TECRL: variants seen among roughly 807,000 people sequenced by gnomAD.
The protein encoded by TECRL is trans-2,3-enoyl-CoA reductase-like.
Under a neutral mutation model 52.8 loss-of-function variants are expected in TECRL, and 63 were observed. The ratio of observed to expected loss-of-function variants is 1.19; its 90% CI spans 0.97 to 1.47. The LOEUF (loss-of-function observed/expected upper bound fraction) is 1.47, where lower values mean the gene tolerates loss of function less well. Ranked by LOEUF, TECRL falls within the 40% of genes most tolerant of loss-of-function variation. The pLI, the probability that TECRL is intolerant of heterozygous loss-of-function variation, is 0.00. For missense variants in TECRL, 482 were observed against 429.6 expected (o/e 1.12, Z -1.08); for synonymous variants, 164 against 141.9 (o/e 1.16, Z -1.10).
chr4:64,295,240 C>T (rs1723613208), intron 8 of TECRL, among the ~76,000 whole-genome samples: 1 of 151,076 alleles, frequency 6.6e-6, no homozygotes, highest in African/African-American at 2.4e-5. Context: ...TGGTAAGACT[C>T]TAAATAAAAG....
intron 1 of TECRL, among the ~76,000 whole-genome samples, chr4:64,377,843 C>A (rs911219000): frequency 4.5e-4 from 69 of 151,964 alleles, no homozygotes; most frequent in Non-Finnish European, 7.7e-4. Flanking sequence ...CTTTTTAAAA[C>A]CGTATTTTAG....
chr4:64,310,533 T>C (rs998117717), intron 5 of TECRL, among the ~76,000 whole-genome samples: 2 of 152,220 alleles, frequency 1.3e-5, no homozygotes, highest in Non-Finnish European at 2.9e-5. Flanking sequence ...TCTTATCATT[T>C]TTATATAATT....
intron 2 of TECRL, among the ~76,000 whole-genome samples, chr4:64,371,658 T>G (rs1438702778): frequency 6.6e-5 from 10 of 151,730 alleles, no homozygotes. Flanking sequence ...AATTTTTCAC[T>G]TTTCTTTGCA....
At chr4:64,347,380 C>T (rs1253721374) in intron 2 of TECRL, among the ~76,000 whole-genome samples, 1 of 152,168 alleles carries the variant, frequency 6.6e-6, no homozygotes, top group Non-Finnish European at 1.5e-5. Context: ...TATTCTGGGA[C>T]ATCTCAAAAT....
chr4:64,282,382 C>G (rs1722873004), intron 9 of TECRL, among the ~76,000 whole-genome samples: 1 of 151,928 alleles, frequency 6.6e-6, no homozygotes, highest in Non-Finnish European at 1.5e-5. Flanking sequence ...ACTCTGAAGT[C>G]ATAATAAAAT....
intron 2 of TECRL, among the ~76,000 whole-genome samples, chr4:64,329,801 G>A (rs1050464807): frequency 6.6e-6 from 1 of 151,484 alleles, no homozygotes; most frequent in Admixed American, 6.6e-5. Flanking sequence ...ATATAGCCGT[G>A]ATATTAAAAG....
At chr4:64,310,183 C>T (rs1399489687) in intron 5 of TECRL, among the ~76,000 whole-genome samples, 1 of 152,088 alleles carries the variant, frequency 6.6e-6, no homozygotes, top group Non-Finnish European at 1.5e-5. Flanking sequence ...TAATACCAGT[C>T]ATAAACTGTT....
At chr4:64,400,715 A>G (rs1272589441) in intron 1 of TECRL, among the ~76,000 whole-genome samples, 1 of 151,952 alleles carries the variant, frequency 6.6e-6, no homozygotes, top group Non-Finnish European at 1.5e-5. Flanking sequence ...AGTGTGTGCC[A>G]TCTCCCCTCT....
intron 2 of TECRL, among the ~76,000 whole-genome samples, chr4:64,357,072 G>A (rs1720826759): frequency 6.6e-6 from 1 of 151,944 alleles, no homozygotes; most frequent in South Asian, 2.1e-4. Context: ...CCATAACTGA[G>A]ACCTATATAT....
chr4:64,396,236 G>A (rs986423487), intron 1 of TECRL, among the ~76,000 whole-genome samples: 2 of 152,104 alleles, frequency 1.3e-5, no homozygotes, highest in Non-Finnish European at 1.5e-5. Context: ...AATTCTTTGA[G>A]AAATCTCCAA....
intron 4 of TECRL, among the ~76,000 whole-genome samples, chr4:64,316,902 T>C (rs1186238985): frequency 6.7e-6 from 1 of 150,216 alleles, no homozygotes; most frequent in Admixed American, 6.6e-5. Context: ...ACAAAATTCA[T>C]TGTTTGTACT....
chr4:64,376,482 C>G (rs1722405510), intron 1 of TECRL, among the ~76,000 whole-genome samples: 1 of 151,712 alleles, frequency 6.6e-6, no homozygotes, highest in Non-Finnish European at 1.5e-5. Flanking sequence ...TATTTATATA[C>G]TTGTGCATAT....
At chr4:64,371,288 CATT>C (rs944895061) in intron 2 of TECRL, among the ~76,000 whole-genome samples, 5 of 150,876 alleles carry the variant, frequency 3.3e-5, no homozygotes, top group Admixed American at 6.6e-5. Flanking sequence ...ATTACCTTAT[CATT>C]ATAATTAATT....
intron 2 of TECRL, among the ~76,000 whole-genome samples, chr4:64,345,907 CAAAAAAA>C (rs777171822): frequency 5.6e-4 from 13 of 23,348 alleles, no homozygotes; most frequent in Non-Finnish European, 8.2e-4. Context: ...GCCTCAACAG[CAAAAAAA>C]AAAAAAAAAA....
intron 2 of TECRL, among the ~76,000 whole-genome samples, chr4:64,362,480 T>G (rs2109620057): frequency 6.6e-6 from 1 of 152,048 alleles, no homozygotes; most frequent in East Asian, 1.9e-4. Flanking sequence ...CATTGAAAGA[T>G]AACCCCATCA....
chr4:64,298,726 T>A (rs2109970002), intron 8 of TECRL: 1 of 151,106 alleles, frequency 6.6e-6, no homozygotes, highest in South Asian at 2.1e-4. Flanking sequence ...GTGGACAACA[T>A]CATAAGGAGG....
intron 2 of TECRL, among the ~76,000 whole-genome samples, chr4:64,359,028 A>G (rs1262465501): frequency 6.6e-6 from 1 of 151,814 alleles, no homozygotes; most frequent in East Asian, 1.9e-4. Context: ...AAGCTCATGT[A>G]TTTATTTTTA....
chr4:64,375,899 TTC>T (rs765833736), intron 1 of TECRL, among the ~76,000 whole-genome samples: 25 of 152,050 alleles, frequency 1.6e-4, no homozygotes, highest in Non-Finnish European at 2.9e-4. Context: ...ATGCAAATAC[TTC>T]AAGCCATCGC....
intron 4 of TECRL, among the ~76,000 whole-genome samples, chr4:64,317,906 T>G (rs2110019311): frequency 6.6e-6 from 1 of 152,268 alleles, no homozygotes; most frequent in Non-Finnish European, 1.5e-5. Context: ...AGAACAGATT[T>G]TTGATGGGGC....
Sources: allele counts gnomAD v4.1 joint callset (sites outside exome capture counted in the v4.1 genomes callset), GRCh38; gene constraint gnomAD v4.1.1; transcripts MANE v1.5; gene names NCBI Gene and HGNC (gene_info 2026-07-23, HGNC 2026-07-21).